The following PENK variants were observed in gnomAD, a reference collection of about 807,000 sequenced individuals.
PENK encodes the protein proenkephalin-A.
PENK carries 25 observed loss-of-function variants against 24.1 expected under a neutral mutation model. That is an observed-to-expected ratio of 1.04 (90% CI 0.76 to 1.45). The LOEUF (loss-of-function observed/expected upper bound fraction) is 1.45, where lower values mean the gene tolerates loss of function less well. PENK is among the 40% of genes most tolerant of loss of function. PENK has a pLI of 0.00. For synonymous variants in PENK, 135 were observed against 130.3 expected (o/e 1.04, Z -0.24); for missense variants, 353 against 337.9 (o/e 1.04, Z -0.35).
intron 3 of PENK, chr8:56,445,417 G>C: frequency 2.2e-6 from 1 of 445,800 alleles, no homozygotes; most frequent in East Asian, 3.2e-5. Flanking sequence ...ACTGCGTGTG[G>C]AGGGGCCCTT....
intron 3 of PENK, chr8:56,445,431 T>C (rs1475686245): frequency 1.1e-5 from 5 of 448,940 alleles, no homozygotes; most frequent in African/African-American, 3.9e-5. Flanking sequence ...GGCCCTTAGC[T>C]GGGATATGTT....
Position 56,445,901 on chromosome 8 carries a change from AGCCCGGG to A in PENK, c.46_52del (p.Pro16SerfsTer20). 6.2e-7 allele frequency: 1 copy of A among 1,612,650 alleles called. No individual in the cohort carries two copies. Among genetic ancestry groups the A allele is most frequent in the Non-Finnish European group, 8.5e-7 (1 of 1,179,704 alleles). On this transcript the variant is annotated frameshift_variant, in exon 3 of 4. Transcript: ENST00000451791. LOFTEE classifies it high-confidence loss of function. ...GCATTCGGCCCGCACGGTCGCCAGG[AGCCCGGG>A]GCCGAGCAACAGCAGCCAAGTGCAA...
At chr8:56,443,549 T>C (rs1250637687) in intron 3 of PENK, 1 of 160,088 alleles carries the variant, frequency 6.2e-6, no homozygotes, top group Non-Finnish European at 1.4e-5. Flanking sequence ...GGAAATTCTA[T>C]CTGGACATCA....
chr8:56,446,194 C>A, intron 2 of PENK: 1 of 529,272 alleles, frequency 1.9e-6, no homozygotes, highest in Non-Finnish European at 3.3e-6. Context: ...CTGCCTGGGG[C>A]ACCCGGCTCT....
chr8:56,445,685 C>G (rs1051000225), intron 3 of PENK, 131 bp downstream of exon 3: 2 of 1,180,338 alleles, frequency 1.7e-6, no homozygotes, highest in African/African-American at 3.0e-5. Flanking sequence ...TCACCACGGG[C>G]TCGCGCCGCT....
chr8:56,444,013 C>T (rs1162818053), intron 3 of PENK: 1 of 701,898 alleles, frequency 1.4e-6, no homozygotes, highest in African/African-American at 1.7e-5. Context: ...TCTCCTCCCC[C>T]ACAATCCTGT....
chr8:56,444,592 G>C (rs2128941585), intron 3 of PENK, among the ~76,000 whole-genome samples: 1 of 152,332 alleles, frequency 6.6e-6, no homozygotes, highest in Non-Finnish European at 1.5e-5. Context: ...GATGGGTGAA[G>C]GGGATTGTTT....
rs1010630064 is a variant in PENK, at chr8:56,445,836, G to A, written c.118C>T (p.Pro40Ser). The change falls in exon 3 of 4, where the codon CCG becomes TCG. Residue 40 changes from proline to serine, a missense_variant. Transcript: ENST00000451791. ...CTCACCAGGAAGTTGATGTCGGCCG[G>A]GCGCACTAGGCGGTAGCTGCACGTC... ...CATCSYRLVR[P>S]ADINFLACVM... The A allele has an allele frequency of 6.2e-7, 1 of 1,613,418 alleles. No individual in the cohort carries two copies. The highest frequency in any genetic ancestry group is 1.7e-5 in the Admixed American group (1 of 60,030).
rs1420661885 is a variant in PENK at position 56,441,556 on chromosome 8, C to T, written c.520G>A (p.Asp174Asn). The change falls in exon 4 of 4, where the codon GAT becomes AAT. Residue 174 changes from aspartate to asparagine, a missense_variant. Asp to Asn is a conservative substitution (Grantham distance 23). Coordinates refer to ENST00000451791, the MANE Select transcript of PENK (RefSeq NM_001135690.3). ...GDNRERSHHQDGSDNEEEVSK... is the reference protein window; with the variant it reads ...GDNRERSHHQNGSDNEEEVSK... ...ACTTCTTCCTCATTATCACTGCCAT[C>T]CTGGTGGTGGCTACGCTCTCGGTTG... The T allele has an allele frequency of 1.9e-6, 3 of 1,613,800 alleles. No individual in the cohort carries two copies. The highest frequency in any genetic ancestry group is 2.5e-6 in the Non-Finnish European group (3 of 1,179,982).
intron 2 of PENK, 134 bp downstream of exon 2, chr8:56,446,292 C>T: frequency 3.0e-6 from 1 of 335,446 alleles, no homozygotes; most frequent in Non-Finnish European, 5.4e-6. Flanking sequence ...GGAGGCAGGA[C>T]ATTGACTGGG....
chr8:56,445,450 TG>T, intron 3 of PENK: 1 of 471,624 alleles, frequency 2.1e-6, no homozygotes, highest in Non-Finnish European at 3.8e-6. Context: ...TTAGGAGTTG[TG>T]GTGACAGCCA....
chr8:56,445,475 A>G (rs1396216417), intron 3 of PENK: 1 of 503,000 alleles, frequency 2.0e-6, no homozygotes, highest in Non-Finnish European at 3.5e-6. Flanking sequence ...TCCTTCTGAC[A>G]GCCCAGGAGA....
chr8:56,443,430 T>A (rs1804593690), intron 3 of PENK: 1 of 152,254 alleles, frequency 6.6e-6, no homozygotes, highest in Non-Finnish European at 1.5e-5. Context: ...ATCAGAATAA[T>A]GCACTCGTAC....
intron 2 of PENK, chr8:56,446,198 C>T: frequency 3.8e-6 from 2 of 521,680 alleles, no homozygotes; most frequent in South Asian, 3.2e-5. Context: ...CTGGGGCACC[C>T]GGCTCTTTTC....
At chr8:56,444,294 A>G (rs942396448) in intron 3 of PENK, among the ~76,000 whole-genome samples, 1 of 152,274 alleles carries the variant, frequency 6.6e-6, no homozygotes, top group African/African-American at 2.4e-5. Flanking sequence ...CTGTGTGATT[A>G]GAAAAATTAG....
intron 3 of PENK, among the ~76,000 whole-genome samples, chr8:56,442,744 T>C (rs1425450002): frequency 6.6e-6 from 1 of 152,118 alleles, no homozygotes; most frequent in African/African-American, 2.4e-5. Context: ...TTAGTCACTG[T>C]TGTACAGAAA....
In PENK at chr8:56,441,313, G is replaced by C; in HGVS notation, c.763C>G (p.Pro255Ala). The C allele has an allele frequency of 6.2e-7, 1 of 1,606,668 alleles. No individual in the cohort carries two copies. Among genetic ancestry groups the C allele is most frequent in the Non-Finnish European group, 8.5e-7 (1 of 1,177,742 alleles). Reference protein sequence around the residue: ...EEGESYSKEVPEMEKRYGGFM... With the variant: ...EEGESYSKEVAEMEKRYGGFM... ...CCTCCGTATCTTTTTTCCATTTCAG[G>C]AACTTCTTTGGAGTAACTTTCGCCT... The change falls in exon 4 of 4, where the codon CCT (proline) becomes GCT (alanine). Residue 255 changes from proline to alanine, a missense_variant. Transcript: ENST00000451791.
Position 56,445,894 on chromosome 8 carries a change from C to T in PENK, c.60G>A (p.Ala20=). The change falls in exon 3 of 4, where the codon GCG becomes GCA. Residue 20 remains alanine (A), a synonymous_variant. Transcript: ENST00000451791. The part of the protein sequence containing the change: ...WLLLLGPGLL[A]TVRAECSQDC... ...CCTGGCTGCATTCGGCCCGCACGGT[C>T]GCCAGGAGCCCGGGGCCGAGCAACA... The T allele has an allele frequency of 1.2e-6, 2 of 1,612,802 alleles. No individual in the cohort carries two copies. The highest frequency in any genetic ancestry group is 1.7e-6 in the Non-Finnish European group (2 of 1,179,804).
At chr8:56,446,250 C>T (rs1804663441) in intron 2 of PENK, 176 bp downstream of exon 2, 3 of 442,454 alleles carry the variant, frequency 6.8e-6, no homozygotes, top group African/African-American at 2.0e-5. Flanking sequence ...GAGAGAACGC[C>T]GCAGACCAGG....
Sources: allele counts gnomAD v4.1 joint callset (sites outside exome capture counted in the v4.1 genomes callset), GRCh38; gene constraint gnomAD v4.1.1; transcripts MANE v1.5; gene names NCBI Gene and HGNC (gene_info 2026-07-23, HGNC 2026-07-21).